The following VIPAS39 variants were observed in gnomAD, a reference collection of about 807,000 sequenced individuals.
VIPAS39 encodes spermatogenesis-defective protein 39 homolog.
In VIPAS39, 63 loss-of-function variants were observed where a neutral mutation model predicts 84.7. The ratio of observed to expected loss-of-function variants is 0.74; its 90% CI spans 0.61 to 0.92. The LOEUF (loss-of-function observed/expected upper bound fraction) is 0.92. Among genes scored for constraint, VIPAS39 ranks in the 40% least tolerant of loss-of-function variants. VIPAS39 has a pLI of 0.00. For missense variants in VIPAS39, 499 were observed against 604.5 expected (o/e 0.83, Z 1.83); for synonymous variants, 192 against 216.5 (o/e 0.89, Z 0.99).
chr14:77,453,304 A>G lies in VIPAS39; in HGVS notation c.191T>C (p.Val64Ala). The change falls in exon 3 of 20, where the codon GTG becomes GCG. Residue 64 changes from valine to alanine, a missense_variant. By Grantham distance (64) the Val-to-Ala change is moderately conservative. Transcript: ENST00000557658. ...CTAGGGACTCTTCTACTTACTTCCC[A>G]CAGGTTCCCCACTCCAGCTGACTCG... ...LERVSWSGEP[V>A]GSISWSIRET... The G allele has an allele frequency of 6.2e-7, 1 of 1,614,038 alleles. No homozygotes were observed. The highest frequency in any genetic ancestry group is 8.5e-7 in the Non-Finnish European group (1 of 1,179,974).
At chr14:77,448,667 G>T (rs988768454) in intron 6 of VIPAS39, 117 bp from the exon 7 acceptor site, 11 of 1,080,454 alleles carry the variant, frequency 1.0e-5, no homozygotes, top group Non-Finnish European at 1.5e-5. Context: ...TTGTGGGAGG[G>T]AATGGATGTG....
chr14:77,451,253 T>A lies in VIPAS39; in HGVS notation c.277A>T (p.Ser93Cys), dbSNP rs1251662136. 6.2e-7 allele frequency: 1 copy of A among 1,614,252 alleles called. No individual in the cohort carries two copies. Among genetic ancestry groups the A allele is most frequent in the East Asian group, 2.2e-5 (1 of 44,886 alleles). The change falls in exon 4 of 20, where the codon AGC (serine) becomes TGC (cysteine). Residue 93 changes from serine (S) to cysteine (C), a missense_variant. Ser to Cys is a moderately radical substitution (Grantham distance 112). Transcript: ENST00000557658. Reference sequence around the variant, plus strand: ...GGTAGTTGTGCATAGGAGGAGAAGCTGTTTCGGCTCTTTAGCTGTTCACGC... The same window carrying A: ...GGTAGTTGTGCATAGGAGGAGAAGCAGTTTCGGCTCTTTAGCTGTTCACGC... ...EGREQLKSRN[S>C]FSSYAQLPKP...
chr14:77,445,710 A>T (rs2078777733), intron 7 of VIPAS39, among the ~76,000 whole-genome samples: 1 of 152,122 alleles, frequency 6.6e-6, no homozygotes, highest in Non-Finnish European at 1.5e-5. Context: ...AGGCCAAGGC[A>T]GGCAGATCAC....
At chr14:77,438,026 C>T in intron 11 of VIPAS39, 145 bp from the exon 12 acceptor site, 2 of 730,924 alleles carry the variant, frequency 2.7e-6, no homozygotes, top group South Asian at 1.5e-5. Flanking sequence ...GGGGGATAGG[C>T]AAAGAGTGAC....
chr14:77,434,005 A>C (rs1354682792), intron 15 of VIPAS39, 74 bp from the exon 16 acceptor site: 19 of 1,495,026 alleles, frequency 1.3e-5, no homozygotes, highest in Non-Finnish European at 1.7e-5. Flanking sequence ...AATTTTAGAA[A>C]AGACAGACAT....
intron 3 of VIPAS39, among the ~76,000 whole-genome samples, chr14:77,452,131 T>TA (rs940530396): frequency 1.3e-4 from 19 of 151,886 alleles, no homozygotes; most frequent in Non-Finnish European, 1.5e-4. Flanking sequence ...TGCTGCTATT[T>TA]AAAAAAAAGA....
intron 19 of VIPAS39, 111 bp downstream of exon 19, chr14:77,428,259 T>C (rs1210063210): frequency 5.4e-6 from 5 of 923,372 alleles, no homozygotes; most frequent in Non-Finnish European, 8.5e-6. Context: ...CTTACATCCA[T>C]GTGGCTTAGC....
rs2078596030 is a variant in VIPAS39, at chr14:77,435,482, G to C, written c.913-89C>G. 1.4e-5 allele frequency: 21 copies of C among 1,541,780 alleles called. No homozygotes were observed. The South Asian group carries it at 2.4e-4, about 18-fold the overall frequency. On this transcript the variant is annotated intron_variant, in intron 13 of 19. Transcript: ENST00000557658. ...AAAATCTTTTAATACTACAGCAGTT[G>C]TGTTTCCCACCCTAGGAGAGAAACA...
chr14:77,433,532 G>C (rs2078557423), intron 16 of VIPAS39, among the ~76,000 whole-genome samples: 1 of 152,108 alleles, frequency 6.6e-6, no homozygotes, highest in African/African-American at 2.4e-5. Context: ...TTAAAGGAGA[G>C]GTGTTAAGAT....
At chr14:77,440,669 T>G (rs897209764) in intron 11 of VIPAS39, among the ~76,000 whole-genome samples, 2 of 152,158 alleles carry the variant, frequency 1.3e-5, no homozygotes, top group Non-Finnish European at 2.9e-5. Flanking sequence ...ATAATCAATA[T>G]CAAAGGAAAT....
chr14:77,443,065 C>T (rs2078727299), intron 9 of VIPAS39, 54 bp downstream of exon 9: 1 of 1,611,154 alleles, frequency 6.2e-7, no homozygotes. Context: ...GCATTCTCCC[C>T]TCGAATGTGG....
chr14:77,454,695 G>A (rs1038560329), intron 1 of VIPAS39, among the ~76,000 whole-genome samples: 1 of 107,416 alleles, frequency 9.3e-6, no homozygotes, highest in Non-Finnish European at 2.1e-5. Context: ...AAAAAAAAGT[G>A]TCAGACGTGG....
In VIPAS39 at chr14:77,435,304, C is replaced by G; in HGVS notation, c.1002G>C (p.Val334=). The G allele has an allele frequency of 6.2e-7, 1 of 1,613,478 alleles. No individual in the cohort carries two copies. The highest frequency in any genetic ancestry group is 1.1e-5 in the South Asian group (1 of 91,050). ...RKASILNMPL[V]TTLFYSCFYH... ...AGAAGCAGGAGTAGAAAAGTGTTGT[C>G]ACTAGTGGCATGTTGAGGATGGAGG... is the stretch of plus-strand genomic sequence containing the variant. The change falls in exon 14 of 20, where the codon GTG becomes GTC. Residue 334 remains valine (V), a synonymous_variant. Transcript: ENST00000557658.
intron 3 of VIPAS39, among the ~76,000 whole-genome samples, 180 bp from the exon 4 acceptor site, chr14:77,451,513 T>C (rs777526206): frequency 6.6e-6 from 1 of 152,208 alleles, no homozygotes; most frequent in Non-Finnish European, 1.5e-5. Context: ...AGGACATGAA[T>C]AGGTGGATCA....
chr14:77,455,462 G>A (rs1259589163), intron 1 of VIPAS39, among the ~76,000 whole-genome samples: 1 of 152,174 alleles, frequency 6.6e-6, no homozygotes, highest in Non-Finnish European at 1.5e-5. Context: ...TCCAGCCTGG[G>A]TGACACAGTG....
intron 3 of VIPAS39, 111 bp downstream of exon 3, chr14:77,453,188 G>T: frequency 8.9e-7 from 1 of 1,117,730 alleles, no homozygotes; most frequent in Non-Finnish European, 1.4e-6. Context: ...TCTGAAAATA[G>T]TCTTATCCTA....
intron 7 of VIPAS39, among the ~76,000 whole-genome samples, chr14:77,446,285 C>T (rs936930231): frequency 2.0e-5 from 3 of 152,002 alleles, no homozygotes; most frequent in African/African-American, 7.3e-5. Context: ...TCCTTAGAAC[C>T]TGTGAAGTAT....
chr14:77,443,138 C>G lies in VIPAS39; in HGVS notation c.612G>C (p.Leu204=), dbSNP rs758674654. Residue 204 remains leucine, a synonymous_variant, in exon 9 of 20, where the codon CTG becomes CTC. Coordinates refer to ENST00000557658, the MANE Select transcript of VIPAS39 (RefSeq NM_001193315.2). ...TCTCACCTTTGCTCAGTGTCCTCTTCAGGAAAATCAGAACCTACAGGAAAA... is the reference window on the plus strand; with the variant it reads ...TCTCACCTTTGCTCAGTGTCCTCTTGAGGAAAATCAGAACCTACAGGAAAA... ...GNVITAVLIF[L]KRTLSKEILF... 7 of 1,614,188 alleles carry G rather than the reference C, an allele frequency of 4.3e-6. No homozygotes were observed. In the South Asian group the frequency reaches 7.7e-5, roughly 18 times the overall value.
chr14:77,433,648 G>A (rs536525487), intron 16 of VIPAS39, among the ~76,000 whole-genome samples, 194 bp downstream of exon 16: 19 of 152,276 alleles, frequency 1.2e-4, no homozygotes, highest in African/African-American at 4.6e-4. Flanking sequence ...TGTGGATAAA[G>A]ACTATTATAC....
Sources: allele counts gnomAD v4.1 joint callset (sites outside exome capture counted in the v4.1 genomes callset), GRCh38; gene constraint gnomAD v4.1.1; transcripts MANE v1.5; gene names NCBI Gene and HGNC (gene_info 2026-07-23, HGNC 2026-07-21).